Variants in CBFA2T3 observed in about 807,000 individuals in gnomAD.
CBFA2T3 encodes CBFA2/RUNX1 partner transcriptional co-repressor 3.
In CBFA2T3, 31 loss-of-function variants were observed where a neutral mutation model predicts 58.6. That is an observed-to-expected ratio of 0.53 (90% confidence interval 0.40 to 0.71). The LOEUF is 0.71. Among genes scored for constraint, CBFA2T3 ranks in the 30% least tolerant of loss-of-function variants. CBFA2T3 has a pLI of 0.00. For missense variants in CBFA2T3, 1,076 were observed against 963.1 expected, an observed-to-expected ratio of 1.12 and a Z score of -1.55; for synonymous variants, 531 against 421.9, an observed-to-expected ratio of 1.26 and a Z score of -3.17.
chr16:88,888,769 G>C (rs764031923), intron 5 of CBFA2T3, among the ~76,000 whole-genome samples: 2 of 151,826 alleles, frequency 1.3e-5, no homozygotes, highest in Non-Finnish European at 2.9e-5. Flanking sequence ...TGTCAGAGAG[G>C]TGAACAGACT....
intron 1 of CBFA2T3, among the ~76,000 whole-genome samples, chr16:88,968,962 G>T (rs1017350541): frequency 6.6e-6 from 1 of 152,192 alleles, no homozygotes; most frequent in African/African-American, 2.4e-5. Context: ...CAAATCGGGG[G>T]CCAGGAGCCT....
At chr16:88,971,628 C>T (rs77712900) in intron 1 of CBFA2T3, among the ~76,000 whole-genome samples, 3,461 of 152,332 alleles carry the variant, frequency 0.023, 133 homozygotes, top group African/African-American at 0.079. Context: ...TGCTGCAGGC[C>T]GGCCTCTGGC....
intron 8 of CBFA2T3, among the ~76,000 whole-genome samples, chr16:88,882,159 C>T (rs1394110064): frequency 1.3e-5 from 2 of 152,232 alleles, no homozygotes; most frequent in East Asian, 1.9e-4. Flanking sequence ...AGGACCCAGC[C>T]GCTGCGCAGG....
chr16:88,921,575 C>A (rs1174067447), intron 1 of CBFA2T3, among the ~76,000 whole-genome samples: 1 of 134,698 alleles, frequency 7.4e-6, no homozygotes, highest in Non-Finnish European at 1.6e-5. Flanking sequence ...CCCCTGCTCA[C>A]TTCTTGGGCC....
At chr16:88,901,377 G>A in intron 2 of CBFA2T3, 127 bp downstream of exon 2, 2 of 532,886 alleles carry the variant, frequency 3.8e-6, no homozygotes, top group South Asian at 2.7e-5. Context: ...TGGGCCACAC[G>A]AGCTCCTCAC....
chr16:88,946,209 A>G (rs889502407), intron 1 of CBFA2T3, among the ~76,000 whole-genome samples: 11 of 152,226 alleles, frequency 7.2e-5, no homozygotes, highest in African/African-American at 2.6e-4. Context: ...TGGGAGGCTG[A>G]GACAGGAGAA....
At chr16:88,931,573 C>T (rs1321408630) in intron 1 of CBFA2T3, among the ~76,000 whole-genome samples, 2 of 151,160 alleles carry the variant, frequency 1.3e-5, no homozygotes, top group Non-Finnish European at 3.0e-5. Flanking sequence ...GGGCCGTGGG[C>T]CGGCCCCGTG....
chr16:88,920,638 G>C (rs1180393110), intron 1 of CBFA2T3, among the ~76,000 whole-genome samples: 1 of 152,198 alleles, frequency 6.6e-6, no homozygotes, highest in African/African-American at 2.4e-5. Context: ...GTGGTGCATG[G>C]TGACGGAGTG....
In CBFA2T3 at chr16:88,972,339, G is replaced by A. The variant is rs569437504; in HGVS notation, c.151+4318C>T. Among the ~76,000 whole-genome samples, 3 of 152,268 alleles carry A rather than the reference G, an allele frequency of 2.0e-5. No homozygotes were observed. The East Asian group carries it at 5.8e-4, about 29-fold the overall frequency. On this transcript the variant is annotated intron_variant, in intron 1 of 11. Coordinates refer to ENST00000268679, the MANE Select transcript of CBFA2T3 (RefSeq NM_005187.6). ...GAGCCTCCGGTGGGGAGATAGTTGGGGGGGAGTCAGGCTTTGTCCCACCGT... is the reference window on the plus strand; with the variant it reads ...GAGCCTCCGGTGGGGAGATAGTTGGAGGGGAGTCAGGCTTTGTCCCACCGT...
At chr16:88,890,163 C>G (rs898142532) in intron 5 of CBFA2T3, among the ~76,000 whole-genome samples, 4 of 152,178 alleles carry the variant, frequency 2.6e-5, no homozygotes, top group African/African-American at 9.7e-5. Flanking sequence ...CTGTAGTCCC[C>G]GCTACCTGGG....
chr16:88,975,713 G>T (rs182256317), intron 1 of CBFA2T3, among the ~76,000 whole-genome samples: 81 of 152,394 alleles, frequency 5.3e-4, no homozygotes, highest in African/African-American at 1.9e-3. Flanking sequence ...CACATCTGGG[G>T]CCCTTGTGGG....
intron 1 of CBFA2T3, among the ~76,000 whole-genome samples, chr16:88,974,297 C>G (rs769333473): frequency 8.5e-5 from 13 of 152,208 alleles, no homozygotes; most frequent in Non-Finnish European, 1.5e-4. Context: ...ACCGCAAGCA[C>G]CGTCTTCAGG....
chr16:88,963,034 C>G (rs1388486607), intron 1 of CBFA2T3, among the ~76,000 whole-genome samples: 1 of 152,234 alleles, frequency 6.6e-6, no homozygotes, highest in East Asian at 1.9e-4. Flanking sequence ...TCCTCAGCAC[C>G]TGAGCTGCAG....
chr16:88,927,740 G>C (rs1428120844), intron 1 of CBFA2T3, among the ~76,000 whole-genome samples: 1 of 152,212 alleles, frequency 6.6e-6, no homozygotes, highest in Non-Finnish European at 1.5e-5. Flanking sequence ...CGGAGGCCCA[G>C]CTGGCCGTCC....
intron 1 of CBFA2T3, among the ~76,000 whole-genome samples, chr16:88,903,421 C>T (rs1279939558): frequency 6.6e-6 from 1 of 152,146 alleles, no homozygotes; most frequent in African/African-American, 2.4e-5. Context: ...AGCCAGTAAA[C>T]AGCCACAGGC....
chr16:88,975,451 G>A (rs1972832121), intron 1 of CBFA2T3, among the ~76,000 whole-genome samples: 1 of 152,246 alleles, frequency 6.6e-6, no homozygotes, highest in Admixed American at 6.5e-5. Context: ...CACGCGGGGA[G>A]CAGGTCGGAA....
intron 1 of CBFA2T3, chr16:88,939,376 C>T (rs1597761442): frequency 6.6e-6 from 1 of 152,392 alleles, no homozygotes; most frequent in Non-Finnish European, 1.5e-5. Flanking sequence ...CCAGCACATC[C>T]CAGGAGAGAT....
At chr16:88,936,016 G>A (rs1247595667) in intron 1 of CBFA2T3, among the ~76,000 whole-genome samples, 1 of 152,190 alleles carries the variant, frequency 6.6e-6, no homozygotes, top group Non-Finnish European at 1.5e-5. Flanking sequence ...CAGGGCAGGG[G>A]GCTGCAGTCA....
intron 1 of CBFA2T3, among the ~76,000 whole-genome samples, chr16:88,964,690 C>T (rs2142870634): frequency 6.6e-6 from 1 of 152,310 alleles, no homozygotes; most frequent in South Asian, 2.1e-4. Flanking sequence ...TTTGACCTTT[C>T]CTTCCTGCTT....
Sources: allele counts gnomAD v4.1 joint callset (sites outside exome capture counted in the v4.1 genomes callset), GRCh38; gene constraint gnomAD v4.1.1; transcripts MANE v1.5; gene names NCBI Gene and HGNC (gene_info 2026-07-23, HGNC 2026-07-21).